RASEF: variants seen among roughly 807,000 people sequenced by gnomAD.
RASEF encodes ras and EF-hand domain-containing protein.
RASEF carries 68 observed loss-of-function variants against 90.1 expected under a neutral mutation model. That is an observed-to-expected ratio of 0.75 (90% CI 0.62 to 0.92). RASEF has a LOEUF of 0.92. RASEF is among the 40% of genes least tolerant of loss of function. The probability of loss-of-function intolerance (pLI) is 0.00; values close to 1 mark genes in which losing one functional copy is unlikely to be tolerated. For missense variants in RASEF, 949 were observed against 937.2 expected (o/e 1.01, Z -0.16); for synonymous variants, 331 against 345.2 (o/e 0.96, Z 0.46).
In RASEF at chr9:83,014,817, T is replaced by C. The variant is rs539442307; in HGVS notation, c.765+988A>G. ...CAACTTGGTAGCATGAAATCAGTAA[T>C]GACAGGAGTATTTATACCATGGAAA... On this transcript the variant is annotated intron_variant, in intron 4 of 16. Coordinates refer to ENST00000376447, the MANE Select transcript of RASEF (RefSeq NM_152573.4). Among the ~76,000 whole-genome samples the C allele has an allele frequency of 1.5e-4, 23 of 152,258 alleles. No homozygotes were observed. In the South Asian group the frequency reaches 1.9e-3, roughly 12 times the overall value.
At chr9:83,018,678 T>C (rs1174450570) in intron 3 of RASEF, among the ~76,000 whole-genome samples, 1 of 113,276 alleles carries the variant, frequency 8.8e-6, no homozygotes, top group Non-Finnish European at 2.0e-5. Flanking sequence ...TACTAGTTGA[T>C]TTCAAGACTT....
At chr9:83,107,029 T>A in the RASEF span, among the ~76,000 whole-genome samples, 11 of 152,294 alleles carry the variant, frequency 7.2e-5, no homozygotes, top group East Asian at 1.9e-3. Context: ...GAGCAGCAAC[T>A]TGTTACACTC....
At chr9:83,177,708 A>G in the RASEF span, among the ~76,000 whole-genome samples, 2 of 151,580 alleles carry the variant, frequency 1.3e-5, no homozygotes, top group African/African-American at 2.4e-5. Context: ...CAATTTTACT[A>G]TGATGTGTCT....
chr9:83,156,566 CAA>C, the RASEF span, among the ~76,000 whole-genome samples: 2 of 152,124 alleles, frequency 1.3e-5, no homozygotes, highest in Non-Finnish European at 2.9e-5. Context: ...CTGATGACTC[CAA>C]AATTTGTAGA....
chr9:83,067,916 C>T (rs1050212385), upstream of RASEF, among the ~76,000 whole-genome samples: 6 of 152,246 alleles, frequency 3.9e-5, no homozygotes, highest in Non-Finnish European at 5.9e-5. Context: ...GTCACTTTCT[C>T]GTAGGCTGGA....
chr9:83,023,863 C>A (rs1587503184), intron 2 of RASEF, among the ~76,000 whole-genome samples: 1 of 152,300 alleles, frequency 6.6e-6, no homozygotes, highest in Middle Eastern at 3.4e-3. Flanking sequence ...CCGTAATGGA[C>A]TCTCTCTGCC....
intron 4 of RASEF, among the ~76,000 whole-genome samples, chr9:83,015,381 C>T (rs1251828864): frequency 6.6e-6 from 1 of 152,120 alleles, no homozygotes. Context: ...AACTCAGGGG[C>T]CCTTAAAAGG....
At chr9:83,104,825 A>AACTGC in the RASEF span, among the ~76,000 whole-genome samples, 1 of 152,220 alleles carries the variant, frequency 6.6e-6, no homozygotes, top group East Asian at 1.9e-4. Flanking sequence ...TAACTGCTGA[A>AACTGC]ACTGCTGGAT....
At chr9:83,201,496 T>C in the RASEF span, among the ~76,000 whole-genome samples, 1 of 152,204 alleles carries the variant, frequency 6.6e-6, no homozygotes, top group Non-Finnish European at 1.5e-5. Flanking sequence ...ACTTAACCAA[T>C]CTAGTGCTAT....
chr9:83,033,881 T>C (rs1165365680), intron 1 of RASEF, among the ~76,000 whole-genome samples: 2 of 152,202 alleles, frequency 1.3e-5, no homozygotes, highest in Non-Finnish European at 2.9e-5. Flanking sequence ...ACTAATGTAA[T>C]ACCAGTTAGC....
At chr9:83,020,021 T>C (rs1829414062) in intron 3 of RASEF, among the ~76,000 whole-genome samples, 1 of 152,214 alleles carries the variant, frequency 6.6e-6, no homozygotes, top group Non-Finnish European at 1.5e-5. Flanking sequence ...AATGGTTTCA[T>C]GGTGCATACA....
the RASEF span, among the ~76,000 whole-genome samples, chr9:83,107,071 T>C: frequency 3.3e-5 from 5 of 152,284 alleles, no homozygotes; most frequent in Middle Eastern, 3.4e-3. Flanking sequence ...CTCTAGAATG[T>C]CTACTCCAAA....
At chr9:83,168,978 T>C in the RASEF span, among the ~76,000 whole-genome samples, 1 of 152,006 alleles carries the variant, frequency 6.6e-6, no homozygotes, top group African/African-American at 2.4e-5. Context: ...CCAGCCCCTT[T>C]TTGTCTCATC....
chr9:83,205,280 C>T, the RASEF span, among the ~76,000 whole-genome samples: 1 of 152,210 alleles, frequency 6.6e-6, no homozygotes, highest in Non-Finnish European at 1.5e-5. Context: ...ATTGATATCA[C>T]TGTGCAGAGT....
the RASEF span, among the ~76,000 whole-genome samples, chr9:83,130,096 T>G: frequency 6.6e-6 from 1 of 152,232 alleles, no homozygotes; most frequent in African/African-American, 2.4e-5. Context: ...ATGAGTTCCA[T>G]GCTCAGAGAT....
intron 1 of RASEF, among the ~76,000 whole-genome samples, chr9:83,028,196 T>C (rs1279444062): frequency 2.6e-5 from 4 of 152,214 alleles, no homozygotes; most frequent in South Asian, 4.1e-4. Flanking sequence ...AGCCAATCAC[T>C]TTGACACACT....
At chr9:83,033,781 C>T (rs1162402228) in intron 1 of RASEF, among the ~76,000 whole-genome samples, 1 of 152,144 alleles carries the variant, frequency 6.6e-6, no homozygotes, top group African/African-American at 2.4e-5. Flanking sequence ...TTGTCACCAG[C>T]TTTTACTCTA....
the RASEF span, among the ~76,000 whole-genome samples, chr9:83,139,357 A>G: frequency 1.3e-5 from 2 of 152,300 alleles, no homozygotes; most frequent in Admixed American, 1.3e-4. Context: ...ACAAATCCAC[A>G]TATAACTTTT....
intron 1 of RASEF, among the ~76,000 whole-genome samples, chr9:83,040,013 A>C (rs1257662149): frequency 6.6e-6 from 1 of 151,982 alleles, no homozygotes; most frequent in Non-Finnish European, 1.5e-5. Flanking sequence ...GTGCTGTTCT[A>C]GTGATAGTGA....
Sources: gnomAD v4.1 joint callset for allele counts (sites outside exome capture counted in the v4.1 genomes callset) on GRCh38, gnomAD v4.1.1 for gene constraint, MANE v1.5 for transcripts, NCBI Gene and HGNC (gene_info 2026-07-23, HGNC 2026-07-21) for gene names.